HADHB: variants seen among roughly 807,000 people sequenced by gnomAD.
HADHB encodes the protein hydroxyacyl-CoA dehydrogenase trifunctional multienzyme complex subunit beta.
In HADHB, 50 loss-of-function variants were observed where a neutral mutation model predicts 61.9. The observed-to-expected ratio is 0.81, with a 90% CI of 0.64 to 1.02. The LOEUF is 1.02. Ranked by LOEUF, HADHB falls within the 50% of genes least tolerant of loss-of-function variation. The pLI is 0.00. For synonymous variants in HADHB, 191 were observed against 201.6 expected (o/e 0.95, Z 0.45); for missense variants, 504 against 586.5 (o/e 0.86, Z 1.45).
chr2:26,285,629 A>ATCATACATTCTAGTC, intron 15 of HADHB, 58 bp downstream of exon 15: 1 of 1,435,666 alleles, frequency 7.0e-7, no homozygotes, highest in Non-Finnish European at 9.7e-7. Flanking sequence ...GAATGACTAG[A>ATCATACATTCTAGTC]ATGTATGATT....
chr2:26,253,426 C>T (rs376948344), intron 1 of HADHB, among the ~76,000 whole-genome samples: 13 of 152,168 alleles, frequency 8.5e-5, no homozygotes, highest in East Asian at 1.9e-4. Flanking sequence ...AAGCCTTCTA[C>T]ATAATCATAG....
At chr2:26,260,195 C>T (rs1460182579) in intron 3 of HADHB, among the ~76,000 whole-genome samples, 1 of 151,296 alleles carries the variant, frequency 6.6e-6, no homozygotes, top group African/African-American at 2.4e-5. Flanking sequence ...CATTCTCCTG[C>T]CTCAGCCTCC....
At chr2:26,285,101 G>A in intron 14 of HADHB, 144 bp downstream of exon 14, 2 of 614,854 alleles carry the variant, frequency 3.3e-6, no homozygotes, top group Non-Finnish European at 2.9e-6. Flanking sequence ...TTATTTCTTA[G>A]TGTAAAAGTA....
At chr2:26,255,238 G>A (rs1347960412) in intron 3 of HADHB, among the ~76,000 whole-genome samples, 1 of 152,114 alleles carries the variant, frequency 6.6e-6, no homozygotes, top group Non-Finnish European at 1.5e-5. Flanking sequence ...GGGGGCTCAC[G>A]CCTGTAATCC....
At chr2:26,286,787 T>A (rs1383900882) in intron 15 of HADHB, among the ~76,000 whole-genome samples, 7 of 149,564 alleles carry the variant, frequency 4.7e-5, no homozygotes, top group Non-Finnish European at 8.9e-5. Flanking sequence ...ATTACAGGCA[T>A]GAGCCACTGT....
chr2:26,266,389 A>G (rs1672077881), intron 4 of HADHB, among the ~76,000 whole-genome samples: 1 of 152,158 alleles, frequency 6.6e-6, no homozygotes, highest in Non-Finnish European at 1.5e-5. Context: ...ATAGAAGATC[A>G]TTTTCTAAGT....
Position 26,254,169 on chromosome 2 carries a change from A to G in HADHB, c.-8-78A>G, listed in dbSNP as rs141229533. 4.8e-5 allele frequency: 37 copies of G among 775,802 alleles called. No individual in the cohort carries two copies. In the African/African-American group the frequency reaches 5.5e-4, roughly 11 times the overall value. The allele number at this position is 775,802 out of a possible 1,614,324, so 48.1% of individuals were successfully genotyped here. On this transcript the variant is annotated intron_variant, in intron 1 of 15. Transcript: ENST00000317799. ...TTTTCTAGTAGCCATGGATGAGGTT[A>G]TCAGAGTTCATAGACTACAATGTAA...
intron 1 of HADHB, among the ~76,000 whole-genome samples, chr2:26,250,530 A>C (rs1671357219): frequency 6.6e-6 from 1 of 152,016 alleles, no homozygotes; most frequent in Non-Finnish European, 1.5e-5. Flanking sequence ...TTCTCCATCT[A>C]AGTGATAAAA....
Position 26,252,358 on chromosome 2 carries a change from G to GGATTTTTTTGGTTTT in HADHB, c.-8-1880_-8-1866dup, listed in dbSNP as rs1455579860. On this transcript the variant is annotated intron_variant, in intron 1 of 15. Transcript: ENST00000317799. The stretch of plus-strand genomic sequence containing the variant: ...AAAGTCTTTGTTGGTAAATCTTGTG[G>GGATTTTTTTGGTTTT]GATTTTTTTGGTTTTGATTTTTTGT... 2.0e-5 allele frequency among the ~76,000 whole-genome samples: 3 copies of GGATTTTTTTGGTTTT among 152,194 alleles called. No homozygotes were observed. In the East Asian group the frequency reaches 5.8e-4, roughly 29 times the overall value.
At chr2:26,286,813 G>GT (rs1201781156) in intron 15 of HADHB, among the ~76,000 whole-genome samples, 3,378 of 103,526 alleles carry the variant, frequency 0.033, 110 homozygotes, top group African/African-American at 0.11. Context: ...GCCTGTTTTT[G>GT]TTTTTTTTTT....
At chr2:26,278,893 C>T in intron 8 of HADHB, 92 bp downstream of exon 8, 1 of 1,138,332 alleles carries the variant, frequency 8.8e-7, no homozygotes, top group East Asian at 2.3e-5. Flanking sequence ...GGTGTAGATT[C>T]TGTAGTTACA....
chr2:26,266,871 C>CAAAAAAAAAAAA (rs56401595), intron 4 of HADHB, among the ~76,000 whole-genome samples: 1,810 of 45,302 alleles, frequency 0.04, 399 homozygotes, highest in Non-Finnish European at 0.051. Flanking sequence ...CACTCTCTCT[C>CAAAAAAAAAAAA]AAAAAAAAAA....
At position 26,268,324 on chromosome 2, in the gene HADHB, G is replaced by A. The variant is rs565328620; in HGVS notation, c.210-1629G>A. On this transcript the variant is annotated intron_variant, in intron 4 of 15. Coordinates refer to ENST00000317799, the MANE Select transcript of HADHB (RefSeq NM_000183.3). ...AATTACTATGATGATTTCGACATAC[G>A]TCCGCAAAGTCTGTGTTATTCCTGC... 1.5e-3 allele frequency among the ~76,000 whole-genome samples: 223 copies of A among 152,236 alleles called. 1 individual carries two copies. The highest frequency in any genetic ancestry group is 1.9e-3 in the Non-Finnish European group (130 of 68,028).
intron 5 of HADHB, among the ~76,000 whole-genome samples, chr2:26,270,947 C>T (rs1170683663): frequency 4.2e-5 from 6 of 141,802 alleles, no homozygotes; most frequent in Admixed American, 7.4e-5. Flanking sequence ...GGCGTGATTT[C>T]GGCTCACTGC....
intron 12 of HADHB, 33 bp from the exon 13 acceptor site, chr2:26,284,084 A>C (rs1255054944): frequency 8.5e-7 from 1 of 1,182,386 alleles, no homozygotes; most frequent in Non-Finnish European, 1.3e-6. Context: ...TAAAAATTAA[A>C]GTTTTAAGAT....
intron 3 of HADHB, among the ~76,000 whole-genome samples, chr2:26,255,835 AC>A (rs1487277618): frequency 1.3e-5 from 2 of 152,170 alleles, no homozygotes; most frequent in African/African-American, 4.8e-5. Context: ...TTACATTCTA[AC>A]TAGAATATAG....
intron 5 of HADHB, among the ~76,000 whole-genome samples, chr2:26,272,864 A>G (rs1034769403): frequency 6.6e-6 from 1 of 152,004 alleles, no homozygotes; most frequent in African/African-American, 2.4e-5. Context: ...CTGGTGGATC[A>G]CTTGCAGTCA....
intron 1 of HADHB, among the ~76,000 whole-genome samples, chr2:26,247,557 T>G (rs1671215675): frequency 6.6e-6 from 1 of 152,208 alleles, no homozygotes; most frequent in South Asian, 2.1e-4. Flanking sequence ...TATAAGATAT[T>G]GATGTACAGT....
intron 13 of HADHB, 93 bp from the exon 14 acceptor site, chr2:26,284,790 C>A: frequency 1.3e-6 from 1 of 799,668 alleles, no homozygotes; most frequent in South Asian, 1.3e-5. Flanking sequence ...TTAAACCATA[C>A]CTAAAGTTGT....
Sources: gnomAD v4.1 joint callset for allele counts (sites outside exome capture counted in the v4.1 genomes callset) on GRCh38, gnomAD v4.1.1 for gene constraint, MANE v1.5 for transcripts, NCBI Gene and HGNC (gene_info 2026-07-23, HGNC 2026-07-21) for gene names.